MTX2: variants seen among roughly 807,000 people sequenced by gnomAD.
MTX2 encodes the protein metaxin-2.
Under a neutral mutation model 42.3 loss-of-function variants are expected in MTX2, and 35 were observed. The observed-to-expected ratio is 0.83, with a 90% CI of 0.63 to 1.10. The LOEUF (loss-of-function observed/expected upper bound fraction) is 1.10, where lower values mean the gene tolerates loss of function less well. Ranked by LOEUF, MTX2 falls within the 50% of genes least tolerant of loss-of-function variation. MTX2 has a pLI of 0.00. For missense variants in MTX2, 307 were observed against 304.1 expected, an observed-to-expected ratio of 1.01 and a Z score of -0.07; for synonymous variants, 119 against 100.9, an observed-to-expected ratio of 1.18 and a Z score of -1.08.
At chr2:176,320,496 T>G (rs1239642571) in intron 3 of MTX2, among the ~76,000 whole-genome samples, 2 of 152,266 alleles carry the variant, frequency 1.3e-5, no homozygotes, top group South Asian at 4.1e-4. Flanking sequence ...CAATCCCTTC[T>G]TAGTTTTTCA....
At chr2:176,334,986 A>G (rs1331731261) in intron 9 of MTX2, among the ~76,000 whole-genome samples, 1 of 151,940 alleles carries the variant, frequency 6.6e-6, no homozygotes, top group African/African-American at 2.4e-5. Flanking sequence ...TACAGCAGGA[A>G]CCAAGTAGGT....
At chr2:176,326,754 T>C in intron 4 of MTX2, 71 bp from the exon 5 acceptor site, 1 of 976,166 alleles carries the variant, frequency 1.0e-6, no homozygotes, top group Non-Finnish European at 1.5e-6. Context: ...TTTGTGTTAA[T>C]TTTTTTTAAT....
In MTX2 at chr2:176,328,929, C is replaced by T. The variant is rs1351494822; in HGVS notation, c.417+17C>T. 1 of 1,591,978 alleles carries T rather than the reference C, an allele frequency of 6.3e-7. No individual in the cohort carries two copies. The highest frequency in any genetic ancestry group is 8.6e-7 in the Non-Finnish European group (1 of 1,162,852). ...GTAGGGGAGGTGAGTGGTTCTGTAA[C>T]ATTTATCTTAATTAAAATTTAATGA... On this transcript the variant is annotated intron_variant, in intron 7 of 9. Transcript: ENST00000249442.
chr2:176,317,253 AC>A (rs1370515655), intron 3 of MTX2, among the ~76,000 whole-genome samples: 2 of 150,474 alleles, frequency 1.3e-5, no homozygotes, highest in Non-Finnish European at 3.0e-5. Flanking sequence ...CTCTCTCTAC[AC>A]CCTGATCTCT....
intron 4 of MTX2, among the ~76,000 whole-genome samples, chr2:176,324,555 T>A (rs1447517143): frequency 1.3e-5 from 2 of 151,704 alleles, no homozygotes; most frequent in African/African-American, 2.4e-5. Context: ...ATGTTGTGTT[T>A]TGTCCATCCT....
chr2:176,306,770 T>C (rs1200389733), intron 3 of MTX2, among the ~76,000 whole-genome samples: 1 of 152,208 alleles, frequency 6.6e-6, no homozygotes, highest in Non-Finnish European at 1.5e-5. Context: ...TTTTTTCTTG[T>C]AAATTTTTTT....
chr2:176,272,673 T>C (rs997290506), intron 1 of MTX2, among the ~76,000 whole-genome samples: 25 of 152,130 alleles, frequency 1.6e-4, no homozygotes, highest in Non-Finnish European at 3.2e-4. Flanking sequence ...TAAAATAATA[T>C]CTATTTTGTA....
intron 1 of MTX2, among the ~76,000 whole-genome samples, chr2:176,281,477 A>T (rs143231222): frequency 6.6e-6 from 1 of 152,068 alleles, no homozygotes; most frequent in African/African-American, 2.4e-5. Context: ...CAGACTTTTT[A>T]TGTAGTGACT....
At chr2:176,317,052 C>CAA (rs61246608) in intron 3 of MTX2, among the ~76,000 whole-genome samples, 6 of 147,292 alleles carry the variant, frequency 4.1e-5, no homozygotes, top group Admixed American at 3.4e-4. Context: ...AAAAAAAAAA[C>CAA]AAAAACTTTT....
intron 1 of MTX2, among the ~76,000 whole-genome samples, chr2:176,287,705 C>T (rs1221454917): frequency 3.3e-5 from 5 of 152,108 alleles, no homozygotes; most frequent in African/African-American, 1.2e-4. Context: ...GAATCTTCTT[C>T]TAGAAGAATC....
At chr2:176,290,281 A>AGTAG (rs1693298127) in intron 1 of MTX2, among the ~76,000 whole-genome samples, 1 of 152,094 alleles carries the variant, frequency 6.6e-6, no homozygotes, top group Non-Finnish European at 1.5e-5. Context: ...TTAGGGAGGT[A>AGTAG]GTAGGCAGGG....
At chr2:176,310,171 GTTTGGCTGGATATGAAATTC>G (rs1484108082) in intron 3 of MTX2, among the ~76,000 whole-genome samples, 2 of 151,936 alleles carry the variant, frequency 1.3e-5, no homozygotes, top group African/African-American at 4.8e-5. Context: ...ATGAAGCTTA[GTTTGGCTGGATATGAAATTC>G]TGTGTTGAAA....
At chr2:176,324,159 G>A (rs962594696) in intron 4 of MTX2, among the ~76,000 whole-genome samples, 8 of 151,422 alleles carry the variant, frequency 5.3e-5, no homozygotes, top group Non-Finnish European at 8.9e-5. Flanking sequence ...GCAATAATAC[G>A]TAGAATTACT....
intron 3 of MTX2, among the ~76,000 whole-genome samples, chr2:176,318,251 C>T (rs1996960): frequency 0.55 from 83,108 of 151,618 alleles, 22,909 homozygotes; most frequent in Admixed American, 0.64. Flanking sequence ...TAGTTTTTTT[C>T]CTGTGAATTT....
At chr2:176,282,126 G>GTTTTTTTGTT (rs1693091383) in intron 1 of MTX2, among the ~76,000 whole-genome samples, 11 of 26,426 alleles carry the variant, frequency 4.2e-4, no homozygotes, top group Admixed American at 3.7e-3. Context: ...AGTTACAGTA[G>GTTTTTTTGTT]TTTTTTTTTT....
intron 3 of MTX2, among the ~76,000 whole-genome samples, chr2:176,311,032 G>C (rs1416929150): frequency 5.9e-5 from 9 of 152,172 alleles, no homozygotes; most frequent in Non-Finnish European, 1.5e-5. Flanking sequence ...CATCTTTGTG[G>C]TTTTGTCTAC....
intron 3 of MTX2, among the ~76,000 whole-genome samples, chr2:176,320,925 G>A (rs1684570561): frequency 6.6e-6 from 1 of 151,974 alleles, no homozygotes; most frequent in African/African-American, 2.4e-5. Flanking sequence ...TTGAACTCCT[G>A]GCCTCAAGTG....
chr2:176,323,281 T>TA (rs1449924171), intron 3 of MTX2, 111 bp from the exon 4 acceptor site: 2 of 863,600 alleles, frequency 2.3e-6, no homozygotes, highest in Non-Finnish European at 3.7e-6. Flanking sequence ...TGTTTTCTAT[T>TA]AGAGTTTTGT....
Position 176,269,476 on chromosome 2 carries a change from C to G in MTX2, c.-154C>G, listed in dbSNP as rs1037434141. ...CAGGCCTGGCGGTAACCTTGGGGGC[C>G]TCACTGCAGCCGCCGCTGCTGTTGG... On this transcript the variant is annotated 5_prime_UTR_variant, in exon 1 of 10. Transcript: ENST00000249442. 6 of 815,648 alleles carry G rather than the reference C, an allele frequency of 7.4e-6. No homozygotes were observed. In the Admixed American group the frequency reaches 1.0e-4, roughly 14 times the overall value. 50.5% of individuals were successfully genotyped at this position (815,648 alleles called of 1,614,324 possible).
Sources: allele counts gnomAD v4.1 joint callset (sites outside exome capture counted in the v4.1 genomes callset), GRCh38; gene constraint gnomAD v4.1.1; transcripts MANE v1.5; gene names NCBI Gene and HGNC (gene_info 2026-07-23, HGNC 2026-07-21).